Variants in MTHFD2L observed in about 807,000 individuals in gnomAD.
MTHFD2L encodes methylenetetrahydrofolate dehydrogenase (NADP+ dependent) 2 like.
Under a neutral mutation model 34.9 loss-of-function variants are expected in MTHFD2L, and 29 were observed. The ratio of observed to expected loss-of-function variants is 0.83; its 90% CI spans 0.62 to 1.13. The LOEUF is 1.13. Ranked by LOEUF, MTHFD2L falls within the 50% of genes most tolerant of loss-of-function variation. The pLI, the probability that MTHFD2L is intolerant of heterozygous loss-of-function variation, is 0.00. For missense variants in MTHFD2L, 481 were observed against 446.5 expected (o/e 1.08, Z -0.70); for synonymous variants, 167 against 155.7 (o/e 1.07, Z -0.54).
intron 6 of MTHFD2L, among the ~76,000 whole-genome samples, chr4:74,270,630 T>C (rs563802191): frequency 9.8e-5 from 15 of 152,356 alleles, no homozygotes; most frequent in Admixed American, 8.5e-4. Context: ...GCAATAAACA[T>C]ACATCTGCAT....
chr4:74,165,479 T>G, intron 1 of MTHFD2L, among the ~76,000 whole-genome samples: 1 of 152,112 alleles, frequency 6.6e-6, no homozygotes, highest in Admixed American at 6.5e-5. Flanking sequence ...TGCCTCAACC[T>G]CCCGAGTAGC....
chr4:74,218,475 C>T (rs1737577534), intron 5 of MTHFD2L, among the ~76,000 whole-genome samples: 2 of 152,004 alleles, frequency 1.3e-5, no homozygotes, highest in African/African-American at 4.8e-5. Context: ...GCAAGTTTTG[C>T]AAGGGCGCGG....
At chr4:74,133,074 G>A (rs1037820555) in intron 1 of MTHFD2L, among the ~76,000 whole-genome samples, 22 of 152,268 alleles carry the variant, frequency 1.4e-4, no homozygotes, top group African/African-American at 5.1e-4. Context: ...CTTGCAAGAC[G>A]GGTCTAGTAG....
intron 1 of MTHFD2L, among the ~76,000 whole-genome samples, chr4:74,134,442 A>T (rs936695177): frequency 6.6e-6 from 1 of 152,174 alleles, no homozygotes; most frequent in African/African-American, 2.4e-5. Context: ...TTATGGCGCC[A>T]TCTAGAGCCG....
chr4:74,230,295 T>G (rs1302744602), intron 6 of MTHFD2L, among the ~76,000 whole-genome samples: 1 of 151,924 alleles, frequency 6.6e-6, no homozygotes, highest in Non-Finnish European at 1.5e-5. Flanking sequence ...GATTAAGAAA[T>G]GATGGGAAAG....
intron 5 of MTHFD2L, among the ~76,000 whole-genome samples, chr4:74,218,269 T>TA (rs1435192721): frequency 6.6e-6 from 1 of 152,160 alleles, no homozygotes; most frequent in Admixed American, 6.6e-5. Flanking sequence ...GTGATGGCTG[T>TA]AGAGTTGCAT....
At chr4:74,184,744 C>T (rs1447394180) in intron 3 of MTHFD2L, among the ~76,000 whole-genome samples, 1 of 152,068 alleles carries the variant, frequency 6.6e-6, no homozygotes, top group East Asian at 1.9e-4. Context: ...AGAATATTTA[C>T]CAGTATATAC....
intron 5 of MTHFD2L, among the ~76,000 whole-genome samples, chr4:74,202,869 C>T (rs369067708): frequency 6.6e-5 from 10 of 152,054 alleles, no homozygotes; most frequent in South Asian, 2.1e-4. Flanking sequence ...GTACAGCACA[C>T]GCACACATGC....
chr4:74,190,762 C>T (rs1648087439), intron 3 of MTHFD2L, among the ~76,000 whole-genome samples: 2 of 152,060 alleles, frequency 1.3e-5, no homozygotes, highest in African/African-American at 4.8e-5. Flanking sequence ...ACACAGTTTC[C>T]AAAAGTATCT....
chr4:74,186,128 A>G (rs562150447), intron 3 of MTHFD2L, among the ~76,000 whole-genome samples: 1 of 152,266 alleles, frequency 6.6e-6, no homozygotes, highest in African/African-American at 2.4e-5. Context: ...AATGAAAATC[A>G]TATAATCATT....
chr4:74,273,433 C>A (rs940549333), intron 6 of MTHFD2L, among the ~76,000 whole-genome samples: 1 of 151,856 alleles, frequency 6.6e-6, no homozygotes, highest in Non-Finnish European at 1.5e-5. Flanking sequence ...TATTTTTTTG[C>A]CTCAACAAAG....
At chr4:74,138,700 G>A (rs1723102836) in intron 1 of MTHFD2L, among the ~76,000 whole-genome samples, 1 of 152,152 alleles carries the variant, frequency 6.6e-6, no homozygotes, top group South Asian at 2.1e-4. Flanking sequence ...AGTGGTGGAT[G>A]GTGAGCAAAA....
chr4:74,218,249 C>A (rs1292323647), intron 5 of MTHFD2L, among the ~76,000 whole-genome samples: 2 of 151,946 alleles, frequency 1.3e-5, no homozygotes, highest in Non-Finnish European at 2.9e-5. Flanking sequence ...ACAGAAGAAT[C>A]ATGTTTTCAG....
intron 3 of MTHFD2L, among the ~76,000 whole-genome samples, chr4:74,176,631 T>C (rs934205669): frequency 3.9e-5 from 6 of 152,068 alleles, no homozygotes; most frequent in African/African-American, 1.2e-4. Context: ...CATCATCTCA[T>C]CTGTTATTTC....
chr4:74,171,063 G>T, intron 1 of MTHFD2L, among the ~76,000 whole-genome samples: 1 of 151,742 alleles, frequency 6.6e-6, no homozygotes, highest in Non-Finnish European at 1.5e-5. Flanking sequence ...CACCAACATG[G>T]CACATGTATA....
intron 6 of MTHFD2L, among the ~76,000 whole-genome samples, chr4:74,257,447 G>A (rs1004336861): frequency 6.6e-6 from 1 of 152,246 alleles, no homozygotes; most frequent in Admixed American, 6.5e-5. Context: ...GATATTTCAT[G>A]AAAATTGTAC....
chr4:74,272,583 G>C (rs936115152), intron 6 of MTHFD2L, among the ~76,000 whole-genome samples: 4 of 151,876 alleles, frequency 2.6e-5, no homozygotes, highest in African/African-American at 7.3e-5. Context: ...GCTTTACCGA[G>C]TAACTCCCTG....
intron 3 of MTHFD2L, among the ~76,000 whole-genome samples, 194 bp from the exon 4 acceptor site, chr4:74,199,600 C>T (rs982190018): frequency 1.4e-4 from 22 of 151,942 alleles, no homozygotes; most frequent in African/African-American, 5.1e-4. Flanking sequence ...AACTGCAGTT[C>T]ATTACAGCCA....
chr4:74,269,488 C>A (rs1330135588), intron 6 of MTHFD2L, among the ~76,000 whole-genome samples: 1 of 151,684 alleles, frequency 6.6e-6, no homozygotes, highest in East Asian at 1.9e-4. Flanking sequence ...GAGTTTACAG[C>A]AGGAAATGTT....
Sources: allele counts gnomAD v4.1 joint callset (sites outside exome capture counted in the v4.1 genomes callset), GRCh38; gene constraint gnomAD v4.1.1; transcripts MANE v1.5; gene names NCBI Gene and HGNC (gene_info 2026-07-23, HGNC 2026-07-21).